Variants in PCDHA9 observed in about 807,000 individuals in gnomAD.
PCDHA9 encodes protocadherin alpha 9, also known as protocadherin alpha-9.
Under a neutral mutation model 62.0 loss-of-function variants are expected in PCDHA9, and 62 were observed. The observed-to-expected ratio is 1.00, with a 90% CI of 0.81 to 1.23. The LOEUF (loss-of-function observed/expected upper bound fraction) is 1.23, where lower values mean the gene tolerates loss of function less well. PCDHA9 is among the 50% of genes most tolerant of loss of function. The pLI, the probability that PCDHA9 is intolerant of heterozygous loss-of-function variation, is 0.00. For synonymous variants in PCDHA9, 557 were observed against 567.6 expected, an observed-to-expected ratio of 0.98 and a Z score of 0.27; for missense variants, 1,205 against 1,249.8, an observed-to-expected ratio of 0.96 and a Z score of 0.54.
intron 1 of PCDHA9, among the ~76,000 whole-genome samples, chr5:140,905,954 C>G (rs1297429672): frequency 6.6e-6 from 1 of 152,158 alleles, no homozygotes; most frequent in Non-Finnish European, 1.5e-5. Context: ...ATCCGATGTT[C>G]AAGGGGAGGA....
intron 1 of PCDHA9, chr5:140,969,308 A>G (rs782412499): frequency 1.9e-6 from 3 of 1,614,196 alleles, no homozygotes; most frequent in Middle Eastern, 3.3e-4. Context: ...TATTCTCAAA[A>G]ATGAGGCTGT....
rs1314333890 is a variant in PCDHA9, at chr5:141,000,908, T to TA, written c.2543-8708dup. ...GGGCAACAGATATAGACGCTGTCTCTAAAAAAAAAAATCCTGTGTGATTTA... is the reference window on the plus strand; with the variant it reads ...GGGCAACAGATATAGACGCTGTCTCTAAAAAAAAAAAATCCTGTGTGATTTA... On this transcript the variant is annotated intron_variant, in intron 3 of 3. Coordinates refer to ENST00000532602, the MANE Select transcript of PCDHA9 (RefSeq NM_031857.2). Among the ~76,000 whole-genome samples the TA allele has an allele frequency of 4.2e-4, 62 of 147,094 alleles. 1 individual carries two copies. Among genetic ancestry groups the TA allele is most frequent in the South Asian group, 3.0e-3 (14 of 4,626 alleles).
At chr5:140,922,139 C>A (rs2080663133) in intron 1 of PCDHA9, among the ~76,000 whole-genome samples, 1 of 151,854 alleles carries the variant, frequency 6.6e-6, no homozygotes, top group Non-Finnish European at 1.5e-5. Flanking sequence ...TCTTATCCTC[C>A]ATGAAACTCA....
chr5:140,909,769 C>T (rs1213208977), intron 1 of PCDHA9, among the ~76,000 whole-genome samples: 2 of 152,104 alleles, frequency 1.3e-5, no homozygotes, highest in Non-Finnish European at 2.9e-5. Flanking sequence ...AGTCCAGGGA[C>T]CCACTGGACC....
rs200732213 is a variant in PCDHA9, at chr5:140,863,214, A to G, written c.2394+12325A>G. On this transcript the variant is annotated intron_variant, in intron 1 of 3. Transcript: ENST00000532602. ...TGGCGTCGCTGGCGGAGAGCAGCCA[A>G]GCGAGGAAGGTCCCATCGCGGGCTT... The G allele has an allele frequency of 2.6e-3, 2,761 of 1,068,920 alleles. 12 individuals carry two copies. The highest frequency in any genetic ancestry group is 9.8e-3 in the Middle Eastern group (44 of 4,506). The allele number at this position is 1,068,920 out of a possible 1,614,324, so 66.2% of individuals were successfully genotyped here. A position where few individuals can be genotyped will look rare whatever the true frequency, so the allele number is the denominator to read the frequency against.
At chr5:140,943,826 GA>G (rs1186583699) in intron 1 of PCDHA9, among the ~76,000 whole-genome samples, 5 of 152,198 alleles carry the variant, frequency 3.3e-5, no homozygotes, top group African/African-American at 1.2e-4. Flanking sequence ...AAAATGAGTT[GA>G]TTGAAGTTGT....
rs1056248774 is a variant in PCDHA9, at chr5:140,862,628, G to A, written c.2394+11739G>A. On this transcript the variant is annotated intron_variant, in intron 1 of 3. Coordinates refer to ENST00000532602, the MANE Select transcript of PCDHA9 (RefSeq NM_031857.2). The stretch of plus-strand genomic sequence containing the variant: ...GTGAAAGGTAACAACCCGCGGGGCT[G>A]CCACGACTTCACAGTGTCCGCGCGG... The A allele has an allele frequency of 9.4e-6, 5 of 534,028 alleles. No individual in the cohort carries two copies. In the Admixed American group the frequency reaches 9.7e-5, roughly 10 times the overall value. 33.1% of individuals were successfully genotyped at this position (534,028 alleles called of 1,614,324 possible). A position where few individuals can be genotyped will look rare whatever the true frequency, so the allele number is the denominator to read the frequency against.
chr5:140,901,546 T>C (rs2068734079), intron 1 of PCDHA9, among the ~76,000 whole-genome samples: 1 of 152,212 alleles, frequency 6.6e-6, no homozygotes, highest in Non-Finnish European at 1.5e-5. Flanking sequence ...TCTATTCTGT[T>C]CCATTCATCT....
intron 1 of PCDHA9, among the ~76,000 whole-genome samples, chr5:140,964,743 T>C (rs1373954630): frequency 6.7e-6 from 1 of 150,048 alleles, no homozygotes; most frequent in Non-Finnish European, 1.5e-5. Flanking sequence ...ACAGAATTAT[T>C]GTAGGGATGT....
At chr5:140,983,257 A>C (rs2097036264) in intron 3 of PCDHA9, among the ~76,000 whole-genome samples, 1 of 152,214 alleles carries the variant, frequency 6.6e-6, no homozygotes, top group Non-Finnish European at 1.5e-5. Context: ...GTTGTGTAAA[A>C]AACCTAATGG....
intron 1 of PCDHA9, among the ~76,000 whole-genome samples, chr5:140,885,620 G>A (rs1480920354): frequency 1.3e-5 from 2 of 152,120 alleles, no homozygotes; most frequent in Non-Finnish European, 2.9e-5. Context: ...TATAAAATAT[G>A]TCACTGGATT....
intron 1 of PCDHA9, chr5:140,876,527 T>C (rs2056400042): frequency 6.2e-6 from 10 of 1,614,112 alleles, no homozygotes; most frequent in Non-Finnish European, 7.6e-6. Context: ...GAAGTAATGG[T>C]TACTTCACTG....
chr5:140,943,616 C>T (rs1221074220), intron 1 of PCDHA9, among the ~76,000 whole-genome samples: 3 of 152,048 alleles, frequency 2.0e-5, no homozygotes, highest in African/African-American at 7.3e-5. Context: ...TTTGATTCAT[C>T]TGCATAAGGA....
At chr5:141,004,434 G>T (rs1383958111) in intron 3 of PCDHA9, among the ~76,000 whole-genome samples, 2 of 152,186 alleles carry the variant, frequency 1.3e-5, no homozygotes, top group Non-Finnish European at 2.9e-5. Flanking sequence ...TGGAGTTTAG[G>T]CTGAGTCATA....
Position 140,932,248 on chromosome 5 carries a change from T to C in PCDHA9, c.2395-46701T>C, listed in dbSNP as rs1424091954. Among the ~76,000 whole-genome samples the C allele has an allele frequency of 2.6e-5, 4 of 152,016 alleles. No individual in the cohort carries two copies. In the East Asian group the frequency reaches 7.7e-4, roughly 29 times the overall value. On this transcript the variant is annotated intron_variant, in intron 1 of 3. Coordinates refer to ENST00000532602, the MANE Select transcript of PCDHA9 (RefSeq NM_031857.2). ...TTTTTTAGAATGGTATCTAAGAGGG[T>C]ACCTCTGAGATATAAATTTCTACTT... is the stretch of plus-strand genomic sequence containing the variant.
intron 1 of PCDHA9, chr5:140,851,252 G>T: frequency 9.2e-7 from 1 of 1,089,164 alleles, no homozygotes; most frequent in Non-Finnish European, 1.2e-6. Flanking sequence ...ATGATGCATA[G>T]TATTTTAGTC....
At chr5:140,871,408 A>C (rs1053262394) in intron 1 of PCDHA9, 2 of 1,613,986 alleles carry the variant, frequency 1.2e-6, no homozygotes, top group African/African-American at 2.7e-5. Flanking sequence ...GACGGACCTC[A>C]TGGCCTTCAG....
intron 1 of PCDHA9, among the ~76,000 whole-genome samples, chr5:140,909,839 C>A (rs2074714040): frequency 1.3e-5 from 2 of 152,146 alleles, no homozygotes; most frequent in Admixed American, 6.5e-5. Context: ...GGAGGACCAC[C>A]AGGACGTTTT....
In PCDHA9 at chr5:140,849,698, C is replaced by G. The variant is rs2150445577; in HGVS notation, c.1203C>G (p.Tyr401Ter). 4 of 1,598,548 alleles carry G rather than the reference C, an allele frequency of 2.5e-6. No individual in the cohort carries two copies. In the South Asian group the frequency reaches 3.3e-5, roughly 13 times the overall value. ...PHVPFKLVST[Y>*]KNYYSLVLDR... The stretch of plus-strand genomic sequence containing the variant: ...TCCCCTTCAAGCTGGTGTCCACCTA[C>G]AAGAATTACTACTCGTTGGTGCTGG... The change falls in exon 1 of 4, where the codon TAC becomes TAG. Residue 401 changes from tyrosine (Y) to a stop codon, truncating the protein, a stop_gained. Transcript: ENST00000532602. LOFTEE classifies it high-confidence loss of function.
Sources: allele counts gnomAD v4.1 joint callset (sites outside exome capture counted in the v4.1 genomes callset), GRCh38; gene constraint gnomAD v4.1.1; transcripts MANE v1.5; gene names NCBI Gene and HGNC (gene_info 2026-07-23, HGNC 2026-07-21).